Variants in MBD2 observed in about 807,000 individuals in gnomAD.
The protein encoded by MBD2 is methyl-CpG binding domain protein 2, also known as methyl-CpG-binding domain protein 2.
In MBD2, 9 loss-of-function variants were observed where a neutral mutation model predicts 39.3. The observed-to-expected ratio is 0.23, with a 90% CI of 0.14 to 0.40. The LOEUF is 0.40. Among genes scored for constraint, MBD2 ranks in the 10% least tolerant of loss-of-function variants. The pLI is 1.00. For synonymous variants in MBD2, 233 were observed against 211.1 expected (o/e 1.10, Z -0.90); for missense variants, 458 against 532.6 (o/e 0.86, Z 1.38).
intron 2 of MBD2, among the ~76,000 whole-genome samples, chr18:54,192,404 T>A (rs952309460): frequency 2.6e-5 from 4 of 152,100 alleles, no homozygotes; most frequent in Admixed American, 6.5e-5. Flanking sequence ...AGCTAATTTT[T>A]TTATTTTTAG....
Position 54,154,412 on chromosome 18 carries a change from C to T in MBD2, c.*912G>A, listed in dbSNP as rs1235486669. 1 of 152,100 alleles carries T rather than the reference C, an allele frequency of 6.6e-6. No individual in the cohort carries two copies. Among genetic ancestry groups the T allele is most frequent in the African/African-American group, 2.4e-5 (1 of 41,390 alleles). The allele number at this position is 152,100 out of a possible 1,614,324, so 9.4% of individuals were successfully genotyped here. A position where few individuals can be genotyped will look rare whatever the true frequency, so the allele number is the denominator to read the frequency against. ...TCTAGAAGCTGCCTCTCACTGTAGC[C>T]AAGAGTCTGACCTGCACCTGATAAC... On this transcript the variant is annotated 3_prime_UTR_variant, in exon 7 of 7. Transcript: ENST00000256429.
chr18:54,200,472 T>C (rs2086397358), intron 2 of MBD2, among the ~76,000 whole-genome samples: 2 of 152,210 alleles, frequency 1.3e-5, no homozygotes, highest in South Asian at 4.1e-4. Flanking sequence ...CCCTAAAACA[T>C]ATCTTGCACT....
rs2086136358 is a variant in MBD2 at position 54,166,796 on chromosome 18, C to T, written c.841-630G>A. ...ACTTAGTAGCCCCAGGTCATCATTA[C>T]GGGCATCAGTGAGTACACTGAGTGG... On this transcript the variant is annotated intron_variant, in intron 3 of 6. Transcript: ENST00000256429. Among the ~76,000 whole-genome samples, 4 of 152,208 alleles carry T rather than the reference C, an allele frequency of 2.6e-5. No homozygotes were observed. In the South Asian group the frequency reaches 8.3e-4, roughly 32 times the overall value.
In MBD2 at chr18:54,157,316, A is replaced by G. The variant is rs549310243; in HGVS notation, c.*13-2005T>C. On this transcript the variant is annotated intron_variant, in intron 6 of 6. Transcript: ENST00000256429. ...CACTCTATCACCCAGGCTGTAGTGC[A>G]GTGGCGCGATCTCGGCTCACTGCAA... Among the ~76,000 whole-genome samples, 209 of 151,468 alleles carry G rather than the reference A, an allele frequency of 1.4e-3. 2 individuals are homozygous for G. The highest frequency in any genetic ancestry group is 4.1e-3 in the African/African-American group (168 of 41,210).
At chr18:54,217,565 TGAG>T (rs1039647051) in intron 1 of MBD2, among the ~76,000 whole-genome samples, 8 of 152,192 alleles carry the variant, frequency 5.3e-5, no homozygotes, top group African/African-American at 1.9e-4. Context: ...ATGCATGTCT[TGAG>T]AAGATTTTAA....
At chr18:54,205,245 T>G in intron 1 of MBD2, 88 bp from the exon 2 acceptor site, 47 of 1,045,598 alleles carry the variant, frequency 4.5e-5, no homozygotes, top group Non-Finnish European at 6.2e-5. Flanking sequence ...CCTCAATTGA[T>G]ACCCCATTCT....
rs985774015 is a variant in MBD2, at chr18:54,220,023, G to A, written c.542+3995C>T. Reference sequence around the variant, plus strand: ...TCATCATGTTAGCCAGAATGGTCTCGATCTCCTGACCTCGTGATCCACCCG... The same window carrying A: ...TCATCATGTTAGCCAGAATGGTCTCAATCTCCTGACCTCGTGATCCACCCG... On this transcript the variant is annotated intron_variant, in intron 1 of 6. Coordinates refer to ENST00000256429, the MANE Select transcript of MBD2 (RefSeq NM_003927.5). 3.3e-5 allele frequency among the ~76,000 whole-genome samples: 5 copies of A among 152,040 alleles called. No homozygotes were observed. The South Asian group carries it at 1.0e-3, about 32-fold the overall frequency.
At chr18:54,202,785 C>T in intron 2 of MBD2, 1 of 1,530,040 alleles carries the variant, frequency 6.5e-7, no homozygotes, top group Non-Finnish European at 8.8e-7. Flanking sequence ...TATTAAGTAC[C>T]TACCGTGTGC....
At position 54,224,007 on chromosome 18, in the gene MBD2, C is replaced by G; in HGVS notation, c.542+11G>C. 1.3e-6 allele frequency: 2 copies of G among 1,599,702 alleles called. No homozygotes were observed. Among genetic ancestry groups the G allele is most frequent in the South Asian group, 1.1e-5 (1 of 90,120 alleles). On this transcript the variant is annotated intron_variant, in intron 1 of 6. Transcript: ENST00000256429. ...GACCCCGCCACCCCCTCCCCGCCCC[C>G]AGGGAGGTACCTGAAGTAGTAGACA...
intron 3 of MBD2, among the ~76,000 whole-genome samples, chr18:54,172,718 C>G (rs750536929): frequency 1.3e-5 from 2 of 152,058 alleles, no homozygotes; most frequent in Admixed American, 1.3e-4. Context: ...ACCCTGAGGA[C>G]GGGAATATCT....
In MBD2 at chr18:54,224,404, T is replaced by C; in HGVS notation, c.156A>G (p.Glu52=). The C allele has an allele frequency of 8.0e-7, 1 of 1,243,438 alleles. No homozygotes were observed. Among genetic ancestry groups the C allele is most frequent in the Non-Finnish European group, 1.0e-6 (1 of 995,554 alleles). The allele number at this position is 1,243,438 out of a possible 1,614,324, so 77.0% of individuals were successfully genotyped here. The stretch of plus-strand genomic sequence containing the variant: ...GGCCACGGCCGCCGCCCCGAGCGCC[T>C]TCCCTGCGCACGCCGCTCACCGGGG... ...APSPVSGVRR[E]GARGGGRGRG... The change falls in exon 1 of 7, where the codon GAA becomes GAG. Residue 52 remains glutamate (E), a synonymous_variant. Transcript: ENST00000256429.
chr18:54,199,599 C>T (rs1225113370), intron 2 of MBD2, among the ~76,000 whole-genome samples: 1 of 152,192 alleles, frequency 6.6e-6, no homozygotes, highest in Non-Finnish European at 1.5e-5. Flanking sequence ...ATCTTCCTCA[C>T]TCCACCCCCA....
At chr18:54,157,619 G>T (rs1267997824) in intron 6 of MBD2, among the ~76,000 whole-genome samples, 1 of 152,176 alleles carries the variant, frequency 6.6e-6, no homozygotes, top group South Asian at 2.1e-4. Flanking sequence ...GCCATGGATG[G>T]ACATGTAAAT....
chr18:54,189,888 A>G (rs891975503), intron 2 of MBD2, among the ~76,000 whole-genome samples: 1 of 151,896 alleles, frequency 6.6e-6, no homozygotes, highest in Non-Finnish European at 1.5e-5. Context: ...GACTCTAGCA[A>G]TCTGCAGGCC....
Position 54,224,050 on chromosome 18 carries a change from T to C in MBD2, c.510A>G (p.Leu170=), listed in dbSNP as rs1001565712. 1 of 1,604,004 alleles carries C rather than the reference T, an allele frequency of 6.2e-7. No individual in the cohort carries two copies. Among genetic ancestry groups the C allele is most frequent in the Admixed American group, 1.7e-5 (1 of 59,682 alleles). ...KKEEVIRKSG[L]SAGKSDVYYF... ...AGTAGACATCGCTCTTGCCAGCACT[T>C]AGCCCAGATTTTCGGATCACTTCCT... Residue 170 remains leucine, a synonymous_variant, in exon 1 of 7, where the codon CTA becomes CTG. Coordinates refer to ENST00000256429, the MANE Select transcript of MBD2 (RefSeq NM_003927.5).
intron 2 of MBD2, among the ~76,000 whole-genome samples, chr18:54,194,058 A>G (rs1419536786): frequency 6.6e-6 from 1 of 152,140 alleles, no homozygotes; most frequent in African/African-American, 2.4e-5. Context: ...GAGGCAGATG[A>G]AGAACATGTA....
intron 6 of MBD2, among the ~76,000 whole-genome samples, chr18:54,158,313 T>C (rs1266371640): frequency 6.6e-6 from 1 of 152,028 alleles, no homozygotes; most frequent in East Asian, 1.9e-4. Context: ...AAACCTCTCC[T>C]GGCTCACTCC....
At chr18:54,205,406 T>C (rs1224116733) in intron 1 of MBD2, among the ~76,000 whole-genome samples, 4 of 151,532 alleles carry the variant, frequency 2.6e-5, no homozygotes, top group Non-Finnish European at 5.9e-5. Flanking sequence ...ACCCCGTCTC[T>C]GCTAAAAAAA....
intron 3 of MBD2, among the ~76,000 whole-genome samples, chr18:54,174,710 G>A (rs373011391): frequency 6.6e-6 from 1 of 152,192 alleles, no homozygotes; most frequent in African/African-American, 2.4e-5. Context: ...GGACACTAGA[G>A]CCATTTATAA....
Sources: allele counts gnomAD v4.1 joint callset (sites outside exome capture counted in the v4.1 genomes callset), GRCh38; gene constraint gnomAD v4.1.1; transcripts MANE v1.5; gene names NCBI Gene and HGNC (gene_info 2026-07-23, HGNC 2026-07-21).